The following SEC23A variants were observed in gnomAD, a reference collection of about 807,000 sequenced individuals.
SEC23A encodes SEC23 homolog A, COPII component.
In SEC23A, 56 loss-of-function variants were observed where a neutral mutation model predicts 103.7. The ratio of observed to expected loss-of-function variants is 0.54; its 90% CI spans 0.44 to 0.67. SEC23A has a LOEUF of 0.67. Ranked by LOEUF, SEC23A falls within the 30% of genes least tolerant of loss-of-function variation. The probability of loss-of-function intolerance (pLI) is 0.00; values close to 1 mark genes in which losing one functional copy is unlikely to be tolerated. For synonymous variants in SEC23A, 281 were observed against 293.0 expected, an observed-to-expected ratio of 0.96 and a Z score of 0.42; for missense variants, 784 against 936.4, an observed-to-expected ratio of 0.84 and a Z score of 2.12.
intron 19 of SEC23A, among the ~76,000 whole-genome samples, chr14:39,036,826 G>A (rs1885479327): frequency 6.6e-6 from 1 of 151,580 alleles, no homozygotes; most frequent in Non-Finnish European, 1.5e-5. Flanking sequence ...TTATACTTTC[G>A]ACCTCCGCTT....
chr14:39,040,678 C>G, intron 18 of SEC23A, 54 bp downstream of exon 18: 1 of 1,605,272 alleles, frequency 6.2e-7, no homozygotes, highest in Non-Finnish European at 8.5e-7. Context: ...AGCAGGTACA[C>G]CTCACTGCAA....
At chr14:39,072,465 T>C (rs1354522103) in intron 9 of SEC23A, among the ~76,000 whole-genome samples, 1 of 151,978 alleles carries the variant, frequency 6.6e-6, no homozygotes, top group Non-Finnish European at 1.5e-5. Context: ...GAAATGCAAA[T>C]GAAAACCACA....
chr14:39,080,666 A>T (rs1887195311), intron 7 of SEC23A, among the ~76,000 whole-genome samples: 1 of 152,204 alleles, frequency 6.6e-6, no homozygotes, highest in Admixed American at 6.6e-5. Flanking sequence ...TCGGCCTCCC[A>T]AAGTGCTGGG....
rs1274284062 is a variant in SEC23A at position 39,085,728 on chromosome 14, A to ACACACACACT, written c.828+33_828+34insAGTGTGTGTG. On this transcript the variant is annotated intron_variant, in intron 7 of 19. Coordinates refer to ENST00000307712, the MANE Select transcript of SEC23A (RefSeq NM_006364.4). ...CACACACACACACACACACACACAC[A>ACACACACACT]CTTTACATTCCAAAACAAAACCATC... 3.1e-6 allele frequency: 5 copies of ACACACACACT among 1,594,356 alleles called. 1 individual carries two copies. The highest frequency in any genetic ancestry group is 1.4e-5 in the African/African-American group (1 of 73,742).
At chr14:39,075,542 G>A (rs1353851851) in intron 8 of SEC23A, among the ~76,000 whole-genome samples, 1 of 151,912 alleles carries the variant, frequency 6.6e-6, no homozygotes, top group African/African-American at 2.4e-5. Context: ...AGAAAATGAT[G>A]GACTATTTAA....
intron 2 of SEC23A, chr14:39,094,754 A>G: frequency 2.2e-6 from 1 of 448,614 alleles, no homozygotes; most frequent in East Asian, 3.5e-5. Flanking sequence ...CTACTATACC[A>G]TTGTCAAGGT....
At chr14:39,097,768 C>A (rs1273953052) in intron 1 of SEC23A, among the ~76,000 whole-genome samples, 2 of 152,038 alleles carry the variant, frequency 1.3e-5, no homozygotes, top group Non-Finnish European at 2.9e-5. Context: ...AAAGAGAAAT[C>A]CCAAGACTAA....
In SEC23A at chr14:39,041,453, G is replaced by GAT. The variant is rs374981143; in HGVS notation, c.1987-567_1987-566insAT. 3 of 84,710 alleles carry GAT rather than the reference G, an allele frequency of 3.5e-5. No individual in the cohort carries two copies. The East Asian group carries it at 1.1e-3, about 30-fold the overall frequency. 5.2% of individuals were successfully genotyped at this position (84,710 alleles called of 1,614,324 possible). ...AAAAAAAGCCCTGTCAGTATTACAG[G>GAT]TTTTTTTTTTTTTTTTAACAAAGGC... On this transcript the variant is annotated intron_variant, in intron 17 of 19. Transcript: ENST00000307712.
chr14:39,035,236 T>C (rs892374000), intron 19 of SEC23A, among the ~76,000 whole-genome samples: 1 of 152,172 alleles, frequency 6.6e-6, no homozygotes, highest in East Asian at 1.9e-4. Flanking sequence ...AAACAGTAGA[T>C]TCAGTGTATT....
At chr14:39,060,340 A>T (rs1886432401) in intron 13 of SEC23A, among the ~76,000 whole-genome samples, 1 of 152,180 alleles carries the variant, frequency 6.6e-6, no homozygotes, top group Non-Finnish European at 1.5e-5. Context: ...GTAATAGATC[A>T]CCCAATACAG....
chr14:39,059,794 A>G (rs1886407861), intron 13 of SEC23A, among the ~76,000 whole-genome samples: 1 of 152,134 alleles, frequency 6.6e-6, no homozygotes. Context: ...GAAATCTAAC[A>G]CTGATATAAT....
chr14:39,035,033 A>G (rs1240608990), intron 19 of SEC23A, among the ~76,000 whole-genome samples: 1 of 152,198 alleles, frequency 6.6e-6, no homozygotes, highest in African/African-American at 2.4e-5. Flanking sequence ...TCATCAAATT[A>G]ACTTGATTAA....
intron 1 of SEC23A, among the ~76,000 whole-genome samples, chr14:39,102,479 A>C (rs2139311961): frequency 6.6e-6 from 1 of 152,312 alleles, no homozygotes; most frequent in South Asian, 2.1e-4. Flanking sequence ...TACCTTTACC[A>C]CCAAATCGGG....
chr14:39,064,913 A>G lies in SEC23A; in HGVS notation c.1308T>C (p.Asn436=). ...LNSKGPCVSE[N]EIGTGGTCQW... ...TCTTTTTAGAATAAACACAACTTAC[A>G]TTTTCAGACACACAGGGTCCTTTAG... Residue 436 remains asparagine (N), a splice_region_variant and synonymous_variant, in exon 11 of 20, where the codon AAT becomes AAC. Transcript: ENST00000307712. 1.9e-6 allele frequency: 3 copies of G among 1,604,370 alleles called. No homozygotes were observed. Among genetic ancestry groups the G allele is most frequent in the Non-Finnish European group, 2.6e-6 (3 of 1,171,288 alleles).
intron 13 of SEC23A, among the ~76,000 whole-genome samples, chr14:39,060,140 TAAAC>T (rs1446825613): frequency 6.6e-6 from 1 of 151,762 alleles, no homozygotes; most frequent in Non-Finnish European, 1.5e-5. Context: ...GAGCCATAAA[TAAAC>T]TGAGAAGTTT....
At chr14:39,094,393 CACACATATATATATATATATATATATAT>C (rs1395625625) in intron 2 of SEC23A, among the ~76,000 whole-genome samples, 4 of 23,930 alleles carry the variant, frequency 1.7e-4, no homozygotes, top group South Asian at 3.3e-3. Flanking sequence ...CACACACACA[CACACATATATATATATATATATATATAT>C]ATATATATAT....
At chr14:39,074,274 A>G (rs1407219168) in intron 9 of SEC23A, 141 bp downstream of exon 9, 15 of 666,656 alleles carry the variant, frequency 2.3e-5, no homozygotes, top group Admixed American at 4.7e-5. Context: ...ACTGAAAGGA[A>G]TATCAAAAAC....
rs190560640 is a variant in SEC23A at position 39,096,259 on chromosome 14, C to T, written c.-21-120G>A. 107 of 699,140 alleles carry T rather than the reference C, an allele frequency of 1.5e-4. No homozygotes were observed. The Admixed American group carries it at 2.5e-3, about 16-fold the overall frequency. The allele number at this position is 699,140 out of a possible 1,614,324, so 43.3% of individuals were successfully genotyped here. ...TTAGAAATCAGGACCAGCTGGGCCC[C>T]GTGGCTCACGCCGGTAATCCCAGCA... On this transcript the variant is annotated intron_variant, in intron 1 of 19. Coordinates refer to ENST00000307712, the MANE Select transcript of SEC23A (RefSeq NM_006364.4).
At chr14:39,067,152 A>T (rs1566496599) in intron 10 of SEC23A, 21 bp downstream of exon 10, 4 of 1,613,414 alleles carry the variant, frequency 2.5e-6, no homozygotes, top group Non-Finnish European at 3.4e-6. Context: ...CATATCGCAC[A>T]TGTCAAGTTT....
Sources: allele counts gnomAD v4.1 joint callset (sites outside exome capture counted in the v4.1 genomes callset), GRCh38; gene constraint gnomAD v4.1.1; transcripts MANE v1.5; gene names NCBI Gene and HGNC (gene_info 2026-07-23, HGNC 2026-07-21).